NHS: variants seen among roughly 807,000 people sequenced by gnomAD.
NHS encodes the protein NHS actin remodeling regulator, also known as actin remodeling regulator NHS.
In NHS, 5 loss-of-function variants were observed where a neutral mutation model predicts 72.5. The observed-to-expected ratio is 0.07, with a 90% CI of 0.04 to 0.14. The LOEUF is 0.14. Ranked by LOEUF, NHS falls within the 10% of genes least tolerant of loss-of-function variation. NHS has a pLI of 1.00. For synonymous variants in NHS, 464 were observed against 547.7 expected, an observed-to-expected ratio of 0.85 and a Z score of 2.13; for missense variants, 1,072 against 1,355.7, an observed-to-expected ratio of 0.79 and a Z score of 3.29.
chrX:17,437,094 C>T (rs2064727243), intron 1 of NHS, among the ~76,000 whole-genome samples: 1 of 111,749 alleles, frequency 8.9e-6, no homozygotes, highest in Admixed American at 9.5e-5. Flanking sequence ...GATATTCACA[C>T]ACCCGGAAAA....
intron 1 of NHS, among the ~76,000 whole-genome samples, chrX:17,548,695 C>G (rs1045518810): frequency 8.9e-6 from 1 of 111,847 alleles, no homozygotes; most frequent in Non-Finnish European, 1.9e-5. Context: ...CTTGTACATG[C>G]CACATGTGTA....
intron 1 of NHS, among the ~76,000 whole-genome samples, chrX:17,535,387 A>G (rs1436383305): frequency 9.0e-6 from 1 of 111,166 alleles, no homozygotes; most frequent in Non-Finnish European, 1.9e-5. Context: ...AGTCACAACC[A>G]AAAGCACCCC....
intron 1 of NHS, among the ~76,000 whole-genome samples, chrX:17,629,263 T>C (rs1363416331): frequency 8.9e-6 from 1 of 112,377 alleles, no homozygotes; most frequent in Non-Finnish European, 1.9e-5. Context: ...CAGACTTCAG[T>C]TGGAAGTATT....
chrX:17,582,852 C>T (rs1299863759), intron 1 of NHS, among the ~76,000 whole-genome samples: 1 of 112,430 alleles, frequency 8.9e-6, no homozygotes, highest in Non-Finnish European at 1.9e-5. Context: ...CATTCATACC[C>T]ATACACATAT....
At chrX:17,692,613 C>T in intron 3 of NHS, 145 bp downstream of exon 3, 1 of 760,856 alleles carries the variant, frequency 1.3e-6, no homozygotes, top group Non-Finnish European at 1.9e-6. Context: ...ATTAATTTCC[C>T]TTCCTTTCAT....
At chrX:17,536,637 C>T (rs2065225698) in intron 1 of NHS, among the ~76,000 whole-genome samples, 1 of 112,450 alleles carries the variant, frequency 8.9e-6, no homozygotes, top group African/African-American at 3.2e-5. Flanking sequence ...TTTTCTCTTT[C>T]TTACAGAAAA....
intron 1 of NHS, among the ~76,000 whole-genome samples, chrX:17,674,960 G>A (rs771293110): frequency 2.7e-5 from 3 of 111,853 alleles, no homozygotes; most frequent in Non-Finnish European, 5.6e-5. Flanking sequence ...AGGGAAGGAA[G>A]GCTTTATGTT....
In NHS at chrX:17,718,584, G is replaced by A. The variant is rs762424603; in HGVS notation, c.853-760G>A. Among the ~76,000 whole-genome samples the A allele has an allele frequency of 1.1e-4, 10 of 93,178 alleles. No homozygotes were observed. The East Asian group carries it at 1.5e-3, about 14-fold the overall frequency. The allele number at this position is 93,178 out of a possible 115,157, so 80.9% of individuals were successfully genotyped here. On this transcript the variant is annotated intron_variant, in intron 3 of 8. Transcript: ENST00000676302. ...GGAAGGAAGGAGGGAAAGAAGAAACGGAGGGAGGAAAGAAAGAAGGAAGGA... is the reference window on the plus strand; with the variant it reads ...GGAAGGAAGGAGGGAAAGAAGAAACAGAGGGAGGAAAGAAAGAAGGAAGGA...
At chrX:17,475,137 C>T (rs919300274) in intron 1 of NHS, among the ~76,000 whole-genome samples, 3 of 111,973 alleles carry the variant, frequency 2.7e-5, no homozygotes, top group Non-Finnish European at 3.8e-5. Flanking sequence ...CCCCCAGTGG[C>T]ATAGATAGGC....
At chrX:17,401,618 C>T (rs891960740) in intron 1 of NHS, among the ~76,000 whole-genome samples, 10 of 112,012 alleles carry the variant, frequency 8.9e-5, no homozygotes, top group Non-Finnish European at 1.9e-4. Context: ...CAAGGCCATG[C>T]TCTCTCTGAA....
At chrX:17,671,388 G>A (rs188433337) in intron 1 of NHS, among the ~76,000 whole-genome samples, 1 of 112,441 alleles carries the variant, frequency 8.9e-6, no homozygotes, top group Non-Finnish European at 1.9e-5. Flanking sequence ...TCCTAATTCA[G>A]CCTGACTCCT....
intron 1 of NHS, among the ~76,000 whole-genome samples, chrX:17,653,107 C>T (rs1338247490): frequency 9.0e-6 from 1 of 110,769 alleles, no homozygotes. Context: ...GATAGGGGGA[C>T]CTAAAAAAAT....
At chrX:17,547,601 C>G (rs1348296002) in intron 1 of NHS, among the ~76,000 whole-genome samples, 1 of 112,497 alleles carries the variant, frequency 8.9e-6, no homozygotes, top group Non-Finnish European at 1.9e-5. Flanking sequence ...AAGGGACGTT[C>G]TAAATATATA....
chrX:17,616,071 A>G (rs2065744923), intron 1 of NHS, among the ~76,000 whole-genome samples: 2 of 112,773 alleles, frequency 1.8e-5, no homozygotes, highest in South Asian at 7.4e-4. Flanking sequence ...GCCTGGCCCT[A>G]ATGACAACCT....
Position 17,465,544 on chromosome X carries a change from G to T in NHS, c.565+89222G>T, listed in dbSNP as rs781645374. ...GAAATTCCCTTTGGCTAATTTCTCA[G>T]ATTGCTGGAGGAGTAGATGAAGAGG... On this transcript the variant is annotated intron_variant, in intron 1 of 8. Transcript: ENST00000676302. Among the ~76,000 whole-genome samples, 9 of 107,511 alleles carry T rather than the reference G, an allele frequency of 8.4e-5. No homozygotes were observed. The South Asian group carries it at 1.7e-3, about 20-fold the overall frequency. 93.4% of individuals were successfully genotyped at this position (107,511 alleles called of 115,157 possible). A position where few individuals can be genotyped will look rare whatever the true frequency, so the allele number is the denominator to read the frequency against.
intron 5 of NHS, among the ~76,000 whole-genome samples, chrX:17,723,770 T>TGCGCGCGCGC (rs1556037732): frequency 3.3e-5 from 3 of 91,319 alleles, no homozygotes; most frequent in African/African-American, 1.5e-4. Flanking sequence ...TGTGTGTGTG[T>TGCGCGCGCGC]GCGCGCGCGT....
At chrX:17,518,263 T>C (rs2065130047) in intron 1 of NHS, among the ~76,000 whole-genome samples, 1 of 112,126 alleles carries the variant, frequency 8.9e-6, no homozygotes, top group Non-Finnish European at 1.9e-5. Flanking sequence ...AAGCAACTCA[T>C]GTGGCCCAGC....
intron 1 of NHS, among the ~76,000 whole-genome samples, chrX:17,552,685 C>T (rs1014281986): frequency 8.9e-6 from 1 of 111,994 alleles, no homozygotes. Flanking sequence ...CTAGTGCCTG[C>T]CACCCCAGTA....
At chrX:17,678,726 T>C (rs948744752) in intron 1 of NHS, among the ~76,000 whole-genome samples, 18 of 111,446 alleles carry the variant, frequency 1.6e-4, no homozygotes, top group African/African-American at 5.9e-4. Context: ...ATCCAAACCA[T>C]ATCAAAGAGA....
Sources: allele counts gnomAD v4.1 joint callset (sites outside exome capture counted in the v4.1 genomes callset), GRCh38; gene constraint gnomAD v4.1.1; transcripts MANE v1.5; gene names NCBI Gene and HGNC (gene_info 2026-07-23, HGNC 2026-07-21).